GSG1L: variants seen among roughly 807,000 people sequenced by gnomAD.
GSG1L encodes GSG1 like, also known as germ cell-specific gene 1-like protein.
A neutral mutation model predicts 42.1 loss-of-function variants in GSG1L; 24 were observed. The ratio of observed to expected loss-of-function variants is 0.57; its 90% CI spans 0.41 to 0.80. The LOEUF (loss-of-function observed/expected upper bound fraction) is 0.80. GSG1L is among the 30% of genes least tolerant of loss of function. The pLI is 0.00. For synonymous variants in GSG1L, 215 were observed against 203.5 expected, an observed-to-expected ratio of 1.06 and a Z score of -0.48; for missense variants, 445 against 472.2, an observed-to-expected ratio of 0.94 and a Z score of 0.53.
intron 6 of GSG1L, among the ~76,000 whole-genome samples, 171 bp from the exon 7 acceptor site, chr16:27,791,638 T>A (rs1271887669): frequency 6.7e-6 from 1 of 150,046 alleles, no homozygotes; most frequent in Non-Finnish European, 1.5e-5. Flanking sequence ...TCTCCACCCA[T>A]CCCTCCCCTG....
At chr16:27,905,814 T>C (rs2084315234) in intron 2 of GSG1L, among the ~76,000 whole-genome samples, 7 of 152,052 alleles carry the variant, frequency 4.6e-5, no homozygotes, top group Admixed American at 4.6e-4. Flanking sequence ...ATCTCTATCT[T>C]ATTACTAGAC....
intron 2 of GSG1L, among the ~76,000 whole-genome samples, chr16:27,937,246 C>CTTT (rs199773933): frequency 6.8e-6 from 1 of 146,068 alleles, no homozygotes; most frequent in African/African-American, 2.5e-5. Flanking sequence ...GCTCTTCTGC[C>CTTT]TTTTTTTTTT....
chr16:27,991,367 C>A (rs1008677665), intron 1 of GSG1L, among the ~76,000 whole-genome samples: 1 of 150,770 alleles, frequency 6.6e-6, no homozygotes, highest in Non-Finnish European at 1.5e-5. Context: ...TACAAATTCT[C>A]TTTTTGATTG....
At chr16:27,849,150 A>T (rs1479422922) in intron 3 of GSG1L, among the ~76,000 whole-genome samples, 1 of 149,980 alleles carries the variant, frequency 6.7e-6, no homozygotes, top group Non-Finnish European at 1.5e-5. Flanking sequence ...GTGAGGCAAG[A>T]TCATACCACT....
intron 5 of GSG1L, among the ~76,000 whole-genome samples, chr16:27,823,320 C>T (rs2083169543): frequency 6.6e-6 from 1 of 152,158 alleles, no homozygotes; most frequent in African/African-American, 2.4e-5. Context: ...TGTGCACATG[C>T]ATACGCACAC....
intron 1 of GSG1L, among the ~76,000 whole-genome samples, chr16:27,970,187 A>G (rs2085178560): frequency 6.6e-6 from 1 of 152,142 alleles, no homozygotes; most frequent in Non-Finnish European, 1.5e-5. Context: ...CATCCTTTGA[A>G]GCAGAAAAGT....
chr16:27,813,271 G>C (rs1188108990), intron 5 of GSG1L, among the ~76,000 whole-genome samples: 2 of 125,968 alleles, frequency 1.6e-5, no homozygotes, highest in African/African-American at 5.4e-5. Context: ...AGGTCCTGGT[G>C]TCTGTTGTTC....
intron 2 of GSG1L, among the ~76,000 whole-genome samples, chr16:27,943,846 A>G (rs2084832085): frequency 1.3e-5 from 2 of 152,052 alleles, no homozygotes; most frequent in African/African-American, 4.8e-5. Context: ...AAGTGCTAGG[A>G]TTACAGGTGT....
intron 3 of GSG1L, among the ~76,000 whole-genome samples, chr16:27,875,653 C>A (rs557895429): frequency 6.6e-6 from 1 of 152,302 alleles, no homozygotes; most frequent in East Asian, 1.9e-4. Flanking sequence ...ATGACTGAGC[C>A]CACATCATGG....
At chr16:27,852,377 C>T (rs1195263744) in intron 3 of GSG1L, among the ~76,000 whole-genome samples, 1 of 151,990 alleles carries the variant, frequency 6.6e-6, no homozygotes, top group East Asian at 1.9e-4. Context: ...GCCTGTCCTC[C>T]CAGTGCTTCC....
At chr16:28,057,322 C>A (rs1435273407) in intron 1 of GSG1L, among the ~76,000 whole-genome samples, 1 of 152,110 alleles carries the variant, frequency 6.6e-6, no homozygotes, top group African/African-American at 2.4e-5. Context: ...TTCTGATTGA[C>A]CGGCTGGCAG....
At chr16:27,844,338 T>A (rs1284112308) in intron 4 of GSG1L, among the ~76,000 whole-genome samples, 1 of 152,130 alleles carries the variant, frequency 6.6e-6, no homozygotes, top group African/African-American at 2.4e-5. Flanking sequence ...TGCTGACCTG[T>A]TTCCTGTATT....
chr16:28,028,839 C>T (rs1387736636), intron 1 of GSG1L, among the ~76,000 whole-genome samples: 1 of 152,200 alleles, frequency 6.6e-6, no homozygotes, highest in African/African-American at 2.4e-5. Flanking sequence ...CCTCTCTTCA[C>T]AGTGCTGTGG....
At chr16:27,867,155 T>C (rs562281215) in intron 3 of GSG1L, among the ~76,000 whole-genome samples, 351 of 152,346 alleles carry the variant, frequency 2.3e-3, no homozygotes, top group Non-Finnish European at 4.0e-3. Context: ...GACCAAGTCC[T>C]GCCCTAAGAC....
chr16:27,874,704 T>C (rs968991754), intron 3 of GSG1L, among the ~76,000 whole-genome samples: 6 of 152,174 alleles, frequency 3.9e-5, no homozygotes, highest in Admixed American at 2.0e-4. Context: ...GAGCTCTGCA[T>C]TGAGACCCTT....
intron 3 of GSG1L, among the ~76,000 whole-genome samples, chr16:27,861,916 C>T (rs778031857): frequency 2.5e-4 from 38 of 152,276 alleles, no homozygotes; most frequent in Non-Finnish European, 3.4e-4. Flanking sequence ...TCCACTCTGA[C>T]GAGCCAGAGA....
At chr16:28,054,715 AC>A (rs1259320986) in intron 1 of GSG1L, among the ~76,000 whole-genome samples, 2 of 152,040 alleles carry the variant, frequency 1.3e-5, no homozygotes, top group Non-Finnish European at 2.9e-5. Context: ...GGGGCTGGGA[AC>A]TCAATCCTGT....
At chr16:27,829,173 G>A (rs1284205133) in intron 4 of GSG1L, among the ~76,000 whole-genome samples, 1 of 152,306 alleles carries the variant, frequency 6.6e-6, no homozygotes, top group East Asian at 1.9e-4. Context: ...ATGTAACAGA[G>A]TTCATTATGG....
At chr16:27,841,992 G>A (rs1432965151) in intron 4 of GSG1L, among the ~76,000 whole-genome samples, 3 of 152,196 alleles carry the variant, frequency 2.0e-5, no homozygotes, top group African/African-American at 4.8e-5. Context: ...TATGCAACAC[G>A]AGGTTACTGC....
Sources: gnomAD v4.1 joint callset for allele counts (sites outside exome capture counted in the v4.1 genomes callset) on GRCh38, gnomAD v4.1.1 for gene constraint, MANE v1.5 for transcripts, NCBI Gene and HGNC (gene_info 2026-07-23, HGNC 2026-07-21) for gene names.